ARFGAP2: variants seen among roughly 807,000 people sequenced by gnomAD.
ARFGAP2 encodes the protein ADP-ribosylation factor GTPase-activating protein 2.
ARFGAP2 carries 45 observed loss-of-function variants against 71.9 expected under a neutral mutation model. The ratio of observed to expected loss-of-function variants is 0.63; its 90% CI spans 0.49 to 0.80. The LOEUF is 0.80. ARFGAP2 is among the 30% of genes least tolerant of loss of function. ARFGAP2 has a pLI of 0.00. For synonymous variants in ARFGAP2, 248 were observed against 249.2 expected (o/e 1.00, Z 0.05); for missense variants, 633 against 673.9 (o/e 0.94, Z 0.67).
Position 47,165,326 on chromosome 11 carries a change from C to T in ARFGAP2, c.*156G>A. On this transcript the variant is annotated 3_prime_UTR_variant, in exon 16 of 16. Coordinates refer to ENST00000524782, the MANE Select transcript of ARFGAP2 (RefSeq NM_032389.6). ...AAGGGCTGGTACTGACCATTCCCCTCACAGGAGTGAGCGCCTCAAAGGCCA... is the reference window on the plus strand; with the variant it reads ...AAGGGCTGGTACTGACCATTCCCCTTACAGGAGTGAGCGCCTCAAAGGCCA... 2 of 880,610 alleles carry T rather than the reference C, an allele frequency of 2.3e-6. No homozygotes were observed. Among genetic ancestry groups the T allele is most frequent in the Non-Finnish European group, 3.4e-6 (2 of 589,364 alleles). 54.5% of individuals were successfully genotyped at this position (880,610 alleles called of 1,614,324 possible).
rs778524361 is a variant in ARFGAP2 at position 47,166,350 on chromosome 11, T to C, written c.1463A>G (p.Asp488Gly). ...VSLGNVLPTA[D>G]IAQFKQGVKS... is the part of the protein sequence containing the mutation. ...GACACCCTGCTTAAACTGGGCAATG[T>C]CCGCTGTAGGCAGCACGTTCCCCAG... Residue 488 changes from aspartate to glycine, a missense_variant, in exon 15 of 16, where the codon GAC becomes GGC. Coordinates refer to ENST00000524782, the MANE Select transcript of ARFGAP2 (RefSeq NM_032389.6). 1 of 1,614,186 alleles carries C rather than the reference T, an allele frequency of 6.2e-7. No homozygotes were observed. The highest frequency in any genetic ancestry group is 8.5e-7 in the Non-Finnish European group (1 of 1,180,030).
chr11:47,165,640 G>A, intron 15 of ARFGAP2, 138 bp from the exon 16 acceptor site: 5 of 938,048 alleles, frequency 5.3e-6, no homozygotes, highest in Non-Finnish European at 7.6e-6. Flanking sequence ...GGTGAGGCAG[G>A]AGTCCACGGT....
At chr11:47,176,680 A>G (rs1189554755) in intron 1 of ARFGAP2, 46 bp from the exon 2 acceptor site, 1 of 1,612,108 alleles carries the variant, frequency 6.2e-7, no homozygotes, top group Admixed American at 1.7e-5. Flanking sequence ...CCCCGAGTAA[A>G]GGCCAGGCAC....
rs556091740 is a variant in ARFGAP2, at chr11:47,173,289, C to A, written c.619+137G>T. The A allele has an allele frequency of 9.7e-5, 99 of 1,020,434 alleles. No individual in the cohort carries two copies. The Admixed American group carries it at 2.0e-3, about 20-fold the overall frequency. The allele number at this position is 1,020,434 out of a possible 1,614,324, so 63.2% of individuals were successfully genotyped here. A position where few individuals can be genotyped will look rare whatever the true frequency, so the allele number is the denominator to read the frequency against. ...TTGCATCCACTATTTCAATCACAGT[C>A]CCCACTCCAGAGAATCAGATAGATG... On this transcript the variant is annotated intron_variant, in intron 7 of 15. Coordinates refer to ENST00000524782, the MANE Select transcript of ARFGAP2 (RefSeq NM_032389.6).
chr11:47,172,069 A>T, intron 8 of ARFGAP2: 1 of 706,136 alleles, frequency 1.4e-6, no homozygotes, highest in Non-Finnish European at 2.4e-6. Flanking sequence ...CAAGCACTAG[A>T]TGTGCTCCAT....
At chr11:47,170,748 C>G (rs1390959334) in intron 10 of ARFGAP2, among the ~76,000 whole-genome samples, 1 of 152,036 alleles carries the variant, frequency 6.6e-6, no homozygotes, top group African/African-American at 2.4e-5. Flanking sequence ...GAATTCGAGA[C>G]CAGGCTGGAC....
rs747965812 is a variant in ARFGAP2, at chr11:47,175,939, G to C, written c.192-16C>G. ...CTCTGTGGACCTGTGTACAAGGGCT[G>C]CGTCTCACCCACTAGCAGATACCAG... On this transcript the variant is annotated splice_polypyrimidine_tract_variant and intron_variant, in intron 2 of 15. Coordinates refer to ENST00000524782, the MANE Select transcript of ARFGAP2 (RefSeq NM_032389.6). 1.2e-6 allele frequency: 2 copies of C among 1,613,654 alleles called. No homozygotes were observed. Among genetic ancestry groups the C allele is most frequent in the East Asian group, 4.5e-5 (2 of 44,866 alleles).
rs1450078332 is a variant in ARFGAP2 at position 47,173,758 on chromosome 11, C to T, written c.562+1G>A. ...CTGGTTGGAATCTGGGCTGAACTCA[C>T]GTGCCAGGCCACTGCTCTCTGTAGA... On this transcript the variant is annotated splice_donor_variant, in intron 6 of 15. Transcript: ENST00000524782. LOFTEE classifies it high-confidence loss of function. The T allele has an allele frequency of 1.3e-6, 2 of 1,598,050 alleles. No individual in the cohort carries two copies. The highest frequency in any genetic ancestry group is 1.7e-6 in the Non-Finnish European group (2 of 1,172,066).
intron 7 of ARFGAP2, chr11:47,172,876 A>C (rs950023078): frequency 1.1e-6 from 1 of 890,102 alleles, no homozygotes; most frequent in African/African-American, 1.7e-5. Context: ...CTCATGGATC[A>C]GTCTGACAGT....
chr11:47,170,611 C>G (rs964135428), intron 10 of ARFGAP2, among the ~76,000 whole-genome samples: 1 of 149,950 alleles, frequency 6.7e-6, no homozygotes, highest in South Asian at 2.1e-4. Context: ...CGTGCCATTG[C>G]ACTCCAGCCT....
chr11:47,170,435 C>G (rs1952554568), intron 10 of ARFGAP2, among the ~76,000 whole-genome samples: 1 of 151,578 alleles, frequency 6.6e-6, no homozygotes, highest in Non-Finnish European at 1.5e-5. Flanking sequence ...CACTTGAGGT[C>G]AAGAGTTCGA....
rs773520633 is a variant in ARFGAP2, at chr11:47,176,688, C to A, written c.73-54G>T. ...TCAGGGGCCCCGAGTAAAGGCCAGG[C>A]ACCGACACCCCAGAAACATAACCCA... On this transcript the variant is annotated intron_variant, in intron 1 of 15. Coordinates refer to ENST00000524782, the MANE Select transcript of ARFGAP2 (RefSeq NM_032389.6). 5 of 1,610,848 alleles carry A rather than the reference C, an allele frequency of 3.1e-6. No individual in the cohort carries two copies. In the South Asian group the frequency reaches 4.4e-5, roughly 14 times the overall value.
intron 8 of ARFGAP2, 177 bp downstream of exon 8, chr11:47,172,104 T>C: frequency 1.3e-6 from 1 of 783,210 alleles, no homozygotes; most frequent in South Asian, 1.7e-5. Context: ...CCAGCAGCCC[T>C]TGAAGACAGG....
intron 10 of ARFGAP2, among the ~76,000 whole-genome samples, chr11:47,168,947 G>A (rs1283612620): frequency 6.6e-6 from 1 of 151,614 alleles, no homozygotes; most frequent in Non-Finnish European, 1.5e-5. Flanking sequence ...AATGGATGAA[G>A]AAATGCCCCA....
intron 5 of ARFGAP2, chr11:47,174,465 G>A (rs1336150794): frequency 7.3e-6 from 1 of 136,618 alleles, no homozygotes; most frequent in Non-Finnish European, 1.5e-5. Context: ...GCGCAATCTC[G>A]GCTCACTGCA....
Position 47,166,544 on chromosome 11 carries a change from G to A in ARFGAP2, c.1388C>T (p.Ser463Leu). The A allele has an allele frequency of 6.2e-7, 1 of 1,612,572 alleles. No individual in the cohort carries two copies. Residue 463 changes from serine to leucine, a missense_variant, in exon 14 of 16, where the codon TCA becomes TTA. Coordinates refer to ENST00000524782, the MANE Select transcript of ARFGAP2 (RefSeq NM_032389.6). ...TCCATCCATGTCCCCAAAGAGGTCTGAAGAGCTGATGGCACTGCTGCCTGA... is the reference window on the plus strand; with the variant it reads ...TCCATCCATGTCCCCAAAGAGGTCTAAAGAGCTGATGGCACTGCTGCCTGA... The part of the protein sequence containing the change: ...QLSGSSAISS[S>L]DLFGDMDGAH...
intron 10 of ARFGAP2, among the ~76,000 whole-genome samples, chr11:47,170,666 C>G (rs1261065393): frequency 6.6e-6 from 1 of 151,934 alleles, no homozygotes; most frequent in Non-Finnish European, 1.5e-5. Context: ...AAATAAAAAG[C>G]CATAGCAGCC....
chr11:47,172,670 T>C (rs1952649941), intron 7 of ARFGAP2: 1 of 1,318,298 alleles, frequency 7.6e-7, no homozygotes, highest in Non-Finnish European at 9.9e-7. Context: ...AGCAGGAAGC[T>C]GAGAACAGGG....
intron 7 of ARFGAP2, 23 bp from the exon 8 acceptor site, chr11:47,172,356 T>G (rs889522312): frequency 6.8e-6 from 11 of 1,614,036 alleles, no homozygotes; most frequent in Non-Finnish European, 9.3e-6. Flanking sequence ...CGGGTAGGCA[T>G]GAGCTAAGAC....
Sources: gnomAD v4.1 joint callset for allele counts (sites outside exome capture counted in the v4.1 genomes callset) on GRCh38, gnomAD v4.1.1 for gene constraint, MANE v1.5 for transcripts, NCBI Gene and HGNC (gene_info 2026-07-23, HGNC 2026-07-21) for gene names.